WWP2: variants seen among roughly 807,000 people sequenced by gnomAD.
The protein encoded by WWP2 is WW domain containing E3 ubiquitin protein ligase 2, also known as NEDD4-like E3 ubiquitin-protein ligase WWP2.
In WWP2, 57 loss-of-function variants were observed where a neutral mutation model predicts 121.0. The observed-to-expected ratio is 0.47, with a 90% CI of 0.38 to 0.59. The LOEUF (loss-of-function observed/expected upper bound fraction) is 0.59, where lower values mean the gene tolerates loss of function less well. WWP2 is among the 20% of genes least tolerant of loss of function. The probability of loss-of-function intolerance (pLI) is 0.00; values close to 1 mark genes in which losing one functional copy is unlikely to be tolerated. For missense variants in WWP2, 962 were observed against 1,158.9 expected (o/e 0.83, Z 2.47); for synonymous variants, 449 against 441.3 (o/e 1.02, Z -0.22).
intron 21 of WWP2, among the ~76,000 whole-genome samples, chr16:69,938,592 A>G (rs534361473): frequency 6.8e-6 from 1 of 147,032 alleles, no homozygotes; most frequent in African/African-American, 2.4e-5. Context: ...CTCTGCAGTG[A>G]GCTGGACCGT....
chr16:69,902,557 A>G (rs1166851464), intron 8 of WWP2, among the ~76,000 whole-genome samples: 3 of 152,310 alleles, frequency 2.0e-5, no homozygotes, highest in South Asian at 4.1e-4. Context: ...ACTGTTCCTG[A>G]GAGCATCAAC....
At chr16:69,920,766 G>C (rs1360473565) in intron 10 of WWP2, among the ~76,000 whole-genome samples, 1 of 152,114 alleles carries the variant, frequency 6.6e-6, no homozygotes, top group Non-Finnish European at 1.5e-5. Flanking sequence ...CAGTCTGGAT[G>C]ACAGTAAGAT....
rs200998762 is a variant in WWP2 at position 69,817,659 on chromosome 16, C to CTT, written c.340+18389_340+18390dup. 7.9e-3 allele frequency among the ~76,000 whole-genome samples: 949 copies of CTT among 119,766 alleles called. 41 individuals are homozygous for CTT. The highest frequency in any genetic ancestry group is 0.027 in the African/African-American group (853 of 31,298). 78.6% of individuals were successfully genotyped at this position (119,766 alleles called of 152,430 possible). On this transcript the variant is annotated intron_variant, in intron 4 of 23. Transcript: ENST00000359154. Reference sequence around the variant, plus strand: ...TACTAGCAGCACTTTTTGTTAAACTCTTTTTTTTTTTTTTTTTTTTTTTTT... The same window carrying CTT: ...TACTAGCAGCACTTTTTGTTAAACTCTTTTTTTTTTTTTTTTTTTTTTTTTTT...
At chr16:69,772,369 C>T (rs914738743) in intron 1 of WWP2, among the ~76,000 whole-genome samples, 8 of 152,038 alleles carry the variant, frequency 5.3e-5, no homozygotes, top group Non-Finnish European at 8.8e-5. Context: ...CCCTTACTTT[C>T]GGAGGTACCT....
At chr16:69,931,057 T>A in intron 13 of WWP2, 95 bp from the exon 14 acceptor site, 1 of 1,203,492 alleles carries the variant, frequency 8.3e-7, no homozygotes, top group South Asian at 1.3e-5. Flanking sequence ...AATCTTTAAA[T>A]TAACATAGCA....
At chr16:69,851,836 A>T (rs963897296) in intron 6 of WWP2, among the ~76,000 whole-genome samples, 1 of 151,478 alleles carries the variant, frequency 6.6e-6, no homozygotes, top group African/African-American at 2.4e-5. Flanking sequence ...AAAAAAAATT[A>T]GCTGGGCGTG....
At chr16:69,883,398 GCGCACACA>G (rs1182481051) in intron 7 of WWP2, among the ~76,000 whole-genome samples, 2,605 of 96,184 alleles carry the variant, frequency 0.027, 77 homozygotes, top group African/African-American at 0.12. Flanking sequence ...CTAAGAATGT[GCGCACACA>G]CACACACACA....
At chr16:69,902,858 G>A (rs1216765617) in intron 8 of WWP2, among the ~76,000 whole-genome samples, 1 of 152,108 alleles carries the variant, frequency 6.6e-6, no homozygotes, top group East Asian at 1.9e-4. Context: ...AGAATCCACC[G>A]ACTGTGCTGC....
At chr16:69,838,959 G>A (rs1325169051) in intron 4 of WWP2, 2 of 940,310 alleles carry the variant, frequency 2.1e-6, no homozygotes, top group African/African-American at 3.6e-5. Context: ...GTTCTTAAAG[G>A]GTTGTATCTG....
intron 8 of WWP2, among the ~76,000 whole-genome samples, chr16:69,904,309 C>T (rs889598830): frequency 1.3e-5 from 2 of 152,082 alleles, no homozygotes; most frequent in Non-Finnish European, 1.5e-5. Context: ...ATATTGTTAC[C>T]CCTTTGCTTT....
intron 8 of WWP2, among the ~76,000 whole-genome samples, chr16:69,906,629 G>A (rs771484500): frequency 2.0e-5 from 3 of 152,214 alleles, no homozygotes; most frequent in African/African-American, 7.2e-5. Flanking sequence ...GTTGGTTTGT[G>A]ATACCAGCAC....
intron 1 of WWP2, among the ~76,000 whole-genome samples, chr16:69,785,370 A>G (rs1044479695): frequency 9.9e-5 from 15 of 152,196 alleles, no homozygotes; most frequent in African/African-American, 3.4e-4. Flanking sequence ...CAAGAGCTCA[A>G]TGGCTTCCCA....
chr16:69,864,602 T>G (rs1336881258), intron 6 of WWP2, among the ~76,000 whole-genome samples: 1 of 152,044 alleles, frequency 6.6e-6, no homozygotes, highest in Non-Finnish European at 1.5e-5. Context: ...CAGGCTGGAG[T>G]GCAGTGGCAC....
At chr16:69,857,937 C>T (rs965012945) in intron 6 of WWP2, among the ~76,000 whole-genome samples, 9 of 152,008 alleles carry the variant, frequency 5.9e-5, no homozygotes, top group African/African-American at 1.7e-4. Flanking sequence ...CGTAAGCTAC[C>T]GCATCCGGCC....
At position 69,935,849 on chromosome 16, in the gene WWP2, C is replaced by T. The variant is rs1451098011; in HGVS notation, c.1843-4C>T. 2 of 1,610,564 alleles carry T rather than the reference C, an allele frequency of 1.2e-6. No individual in the cohort carries two copies. Among genetic ancestry groups the T allele is most frequent in the Non-Finnish European group, 8.5e-7 (1 of 1,178,394 alleles). On this transcript the variant is annotated splice_polypyrimidine_tract_variant and splice_region_variant and intron_variant, in intron 17 of 23. Coordinates refer to ENST00000359154, the MANE Select transcript of WWP2 (RefSeq NM_001270454.2). The surrounding 1 kb of genome is among the most constrained non-coding windows in gnomAD (Gnocchi z 5.2). ...ACCTCTGTGCTGTGCCTCTTCCTTC[C>T]CAGGCGCTGTACCATGGAAAGTTCA...
At chr16:69,842,148 A>T (rs2056990768) in intron 6 of WWP2, 28 bp downstream of exon 6, 2 of 1,603,408 alleles carry the variant, frequency 1.2e-6, no homozygotes, top group Non-Finnish European at 1.7e-6. Flanking sequence ...GAGGACAAAG[A>T]GCTAAGAAGT....
At chr16:69,861,804 G>T (rs2057427002) in intron 6 of WWP2, among the ~76,000 whole-genome samples, 2 of 151,862 alleles carry the variant, frequency 1.3e-5, no homozygotes, top group African/African-American at 4.8e-5. Flanking sequence ...TCTATTTTAA[G>T]TGCCTGTTTC....
intron 4 of WWP2, among the ~76,000 whole-genome samples, chr16:69,802,807 G>A (rs1367549382): frequency 2.0e-5 from 3 of 151,980 alleles, no homozygotes; most frequent in Non-Finnish European, 4.4e-5. Flanking sequence ...GTTTCACCAT[G>A]TTGGCCAGGC....
At chr16:69,854,225 T>C (rs2057270019) in intron 6 of WWP2, among the ~76,000 whole-genome samples, 1 of 152,150 alleles carries the variant, frequency 6.6e-6, no homozygotes, top group Non-Finnish European at 1.5e-5. Flanking sequence ...GACTTTCTAG[T>C]CTTGAGAGCT....
Sources: allele counts gnomAD v4.1 joint callset (sites outside exome capture counted in the v4.1 genomes callset), GRCh38; gene constraint gnomAD v4.1.1; non-coding constraint Gnocchi (gnomAD v3.1); transcripts MANE v1.5; gene names NCBI Gene and HGNC (gene_info 2026-07-23, HGNC 2026-07-21).